The following DSCAM variants were observed in gnomAD, a reference collection of about 807,000 sequenced individuals.
DSCAM encodes the protein cell adhesion molecule DSCAM.
Under a neutral mutation model 217.7 loss-of-function variants are expected in DSCAM, and 47 were observed. The observed-to-expected ratio is 0.22, with a 90% CI of 0.17 to 0.28. The LOEUF is 0.28. Ranked by LOEUF, DSCAM falls within the 10% of genes least tolerant of loss-of-function variation. The pLI, the probability that DSCAM is intolerant of heterozygous loss-of-function variation, is 1.00. For synonymous variants in DSCAM, 1,056 were observed against 1,015.3 expected (o/e 1.04, Z -0.76); for missense variants, 2,080 against 2,618.3 (o/e 0.79, Z 4.49).
At chr21:40,030,168 T>G (rs2088492668) in intron 32 of DSCAM, among the ~76,000 whole-genome samples, 1 of 152,188 alleles carries the variant, frequency 6.6e-6, no homozygotes, top group African/African-American at 2.4e-5. Flanking sequence ...CGTTCCACCC[T>G]TCTAGAGGAA....
At chr21:40,788,473 C>T (rs1283974048) in intron 1 of DSCAM, among the ~76,000 whole-genome samples, 1 of 152,158 alleles carries the variant, frequency 6.6e-6, no homozygotes, top group African/African-American at 2.4e-5. Flanking sequence ...ACAATGGGAA[C>T]ATAAGCATGG....
intron 11 of DSCAM, among the ~76,000 whole-genome samples, chr21:40,201,154 C>T (rs1220691416): frequency 1.3e-5 from 2 of 152,084 alleles, no homozygotes; most frequent in Non-Finnish European, 2.9e-5. Context: ...ACAACATCTC[C>T]ACTTCCTGGC....
At chr21:40,813,912 T>C (rs1569049513) in intron 1 of DSCAM, among the ~76,000 whole-genome samples, 2 of 152,162 alleles carry the variant, frequency 1.3e-5, no homozygotes, top group African/African-American at 4.8e-5. Context: ...CTCAAAGTGC[T>C]GGGATTACAG....
chr21:40,754,807 G>A (rs752002019), intron 1 of DSCAM, among the ~76,000 whole-genome samples: 3 of 151,648 alleles, frequency 2.0e-5, no homozygotes, highest in South Asian at 2.1e-4. Context: ...CTTCACACAC[G>A]GAGTTGATGG....
intron 1 of DSCAM, among the ~76,000 whole-genome samples, chr21:40,737,125 A>T (rs1016826772): frequency 4.6e-5 from 7 of 152,194 alleles, no homozygotes; most frequent in Non-Finnish European, 1.0e-4. Context: ...ATTTTCCTTT[A>T]TTCTAATTTC....
At position 40,620,403 on chromosome 21, in the gene DSCAM, AGGAG is replaced by A. The variant is rs930270300; in HGVS notation, c.508+72403_508+72406del. On this transcript the variant is annotated intron_variant, in intron 3 of 32. Transcript: ENST00000400454. ...GAAAGAAAGAGAAAGAAAGAAAGAA[AGGAG>A]GGAGGGAGGGAGAGAAGAGGGAGGG... is the stretch of plus-strand genomic sequence containing the variant. Among the ~76,000 whole-genome samples the A allele has an allele frequency of 4.3e-5, 6 of 138,874 alleles. 1 individual carries two copies. Among genetic ancestry groups the A allele is most frequent in the Admixed American group, 1.5e-4 (2 of 13,770 alleles). The allele number at this position is 138,874 out of a possible 152,430, so 91.1% of individuals were successfully genotyped here.
At position 40,016,629 on chromosome 21, in the gene DSCAM, T is replaced by A. The variant is rs1322387782; in HGVS notation, c.5687-3243A>T. Among the ~76,000 whole-genome samples the A allele has an allele frequency of 6.6e-6, 1 of 152,198 alleles. No homozygotes were observed. The highest frequency in any genetic ancestry group is 2.4e-5 in the African/African-American group (1 of 41,450). The stretch of plus-strand genomic sequence containing the variant: ...TTGAGCCTTCCTCATCCAGCCCCTT[T>A]GGACCCATAGGCCCCGAAGGTGCAG... On this transcript the variant is annotated intron_variant, in intron 32 of 32. Transcript: ENST00000400454. This position sits in a 1 kb window ranked among gnomAD's most constrained non-coding sequence, Gnocchi z 4.3.
intron 3 of DSCAM, among the ~76,000 whole-genome samples, chr21:40,563,654 T>TTA (rs202146090): frequency 0.33 from 46,746 of 140,110 alleles, 9,367 homozygotes; most frequent in African/African-American, 0.55. Context: ...AGTTATATGT[T>TTA]TATGTTTGTT....
In DSCAM at chr21:40,178,923, G is replaced by A. The variant is rs1253026707; in HGVS notation, c.2947+4C>T. ...GGAGCAAGGTTCCGCCCGGTCCCAC[G>A]TACCTGCCTCGTCCGCCGTGATGGT... On this transcript the variant is annotated splice_donor_region_variant and intron_variant, in intron 15 of 32. Transcript: ENST00000400454. The A allele has an allele frequency of 2.5e-6, 4 of 1,613,006 alleles. No homozygotes were observed. The highest frequency in any genetic ancestry group is 3.4e-6 in the Non-Finnish European group (4 of 1,179,942).
intron 3 of DSCAM, among the ~76,000 whole-genome samples, chr21:40,590,562 T>C (rs984677454): frequency 6.6e-6 from 1 of 152,226 alleles, no homozygotes; most frequent in South Asian, 2.1e-4. Context: ...TTAAAGGATT[T>C]TGTATAGTGC....
At chr21:40,642,743 C>T (rs2089898502) in intron 3 of DSCAM, among the ~76,000 whole-genome samples, 1 of 152,114 alleles carries the variant, frequency 6.6e-6, no homozygotes, top group Admixed American at 6.5e-5. Context: ...GCCACCATGC[C>T]CAGCTAATTT....
rs543439751 is a variant in DSCAM, at chr21:40,620,426, G to A, written c.508+72384C>T. ...AAAGGAGGGAGGGAGGGAGAGAAGA[G>A]GGAGGGGGAAGGGAGGGAAAGGAAA... On this transcript the variant is annotated intron_variant, in intron 3 of 32. Transcript: ENST00000400454. Among the ~76,000 whole-genome samples the A allele has an allele frequency of 2.3e-4, 33 of 143,388 alleles. No individual in the cohort carries two copies. The South Asian group carries it at 2.6e-3, about 11-fold the overall frequency. 94.1% of individuals were successfully genotyped at this position (143,388 alleles called of 152,430 possible).
intron 3 of DSCAM, among the ~76,000 whole-genome samples, chr21:40,640,958 C>T (rs761237416): frequency 3.3e-5 from 5 of 152,178 alleles, no homozygotes; most frequent in African/African-American, 4.8e-5. Flanking sequence ...TTCCTACTTT[C>T]GGAAAGAAAT....
At chr21:40,040,175 A>C (rs2088718543) in intron 32 of DSCAM, among the ~76,000 whole-genome samples, 1 of 152,240 alleles carries the variant, frequency 6.6e-6, no homozygotes, top group Non-Finnish European at 1.5e-5. Flanking sequence ...TAGACAAAAC[A>C]AAGTTTGTGG....
At chr21:40,755,456 A>AAAAT (rs111388004) in intron 1 of DSCAM, among the ~76,000 whole-genome samples, 104,328 of 150,958 alleles carry the variant, frequency 0.69, 36,308 homozygotes, top group Admixed American at 0.76. Context: ...CACCTGCTAA[A>AAAAT]AAATAAATAA....
chr21:40,256,721 C>A (rs775262085), intron 11 of DSCAM, among the ~76,000 whole-genome samples: 11 of 152,174 alleles, frequency 7.2e-5, no homozygotes, highest in Non-Finnish European at 1.6e-4. Flanking sequence ...AAATGTTAAT[C>A]ACATCTAAGA....
chr21:40,263,888 G>A (rs2073487061), intron 11 of DSCAM, among the ~76,000 whole-genome samples: 1 of 152,064 alleles, frequency 6.6e-6, no homozygotes, highest in African/African-American at 2.4e-5. Context: ...TGACACCACA[G>A]AAATGCAAAA....
intron 5 of DSCAM, among the ~76,000 whole-genome samples, chr21:40,352,977 T>C (rs190090283): frequency 3.9e-5 from 6 of 152,148 alleles, no homozygotes; most frequent in Non-Finnish European, 1.5e-5. Flanking sequence ...AATATTTGGG[T>C]ATGTTTGAGC....
intron 9 of DSCAM, 125 bp from the exon 10 acceptor site, chr21:40,296,299 C>A: frequency 3.5e-6 from 4 of 1,153,710 alleles, no homozygotes; most frequent in Admixed American, 2.8e-5. Context: ...ACACATGGGA[C>A]AATAAAAACA....
Sources: allele counts gnomAD v4.1 joint callset (sites outside exome capture counted in the v4.1 genomes callset), GRCh38; gene constraint gnomAD v4.1.1; non-coding constraint Gnocchi (gnomAD v3.1); transcripts MANE v1.5; gene names NCBI Gene and HGNC (gene_info 2026-07-23, HGNC 2026-07-21).